Variants in GGACT observed in about 807,000 individuals in gnomAD.
The protein encoded by GGACT is gamma-glutamylamine cyclotransferase, also known as gamma-glutamylaminecyclotransferase.
For synonymous variants in GGACT, 118 were observed against 115.3 expected (o/e 1.02, Z -0.15); for missense variants, 241 against 233.2 (o/e 1.03, Z -0.22).
At chr13:100,587,514 A>T (rs1875615623) in intron 1 of GGACT, among the ~76,000 whole-genome samples, 1 of 152,232 alleles carries the variant, frequency 6.6e-6, no homozygotes, top group East Asian at 1.9e-4. Flanking sequence ...TAGTTTCAGG[A>T]AAACAAGGCA....
At chr13:100,565,628 G>A (rs1353393080) in intron 2 of GGACT, among the ~76,000 whole-genome samples, 5 of 152,016 alleles carry the variant, frequency 3.3e-5, no homozygotes, top group Non-Finnish European at 2.9e-5. Flanking sequence ...TGATGATGAC[G>A]CCCATTTCTT....
rs143569771 is a variant in GGACT, at chr13:100,581,261, G to A, written c.-11+2564C>T. Among the ~76,000 whole-genome samples, 537 of 152,300 alleles carry A rather than the reference G, an allele frequency of 3.5e-3. 3 individuals carry two copies. Among genetic ancestry groups the A allele is most frequent in the African/African-American group, 0.012 (498 of 41,558 alleles). ...GTTTCTAACACCATCTCCAACAGAGGGGACCAGGGTTCCCCAGAGAAACGG... is the reference window on the plus strand; with the variant it reads ...GTTTCTAACACCATCTCCAACAGAGAGGACCAGGGTTCCCCAGAGAAACGG... On this transcript the variant is annotated intron_variant, in intron 2 of 2. Coordinates refer to ENST00000683975, the MANE Select transcript of GGACT (RefSeq NM_001195087.2).
chr13:100,550,417 TAC>T (rs61669253), intron 2 of GGACT, among the ~76,000 whole-genome samples: 16,505 of 72,336 alleles, frequency 0.23, 3,017 homozygotes, highest in Middle Eastern at 0.33. Context: ...GATTATACTC[TAC>T]ACACACACAC....
At position 100,530,468 on chromosome 13, in the gene GGACT, T is replaced by C. The variant is rs563089923; in HGVS notation, c.*1662A>G. The stretch of plus-strand genomic sequence containing the variant: ...TTGCCCTTTCTTTGAATGAAGACAA[T>C]GTACACATAGGCGACAGGCTCTGCC... On this transcript the variant is annotated 3_prime_UTR_variant, in exon 3 of 3. Transcript: ENST00000683975. 2 of 488,596 alleles carry C rather than the reference T, an allele frequency of 4.1e-6. No individual in the cohort carries two copies. Among genetic ancestry groups the C allele is most frequent in the Non-Finnish European group, 3.7e-6 (1 of 267,636 alleles). 30.3% of individuals were successfully genotyped at this position (488,596 alleles called of 1,614,324 possible). A position where few individuals can be genotyped will look rare whatever the true frequency, so the allele number is the denominator to read the frequency against.
At chr13:100,548,621 C>G (rs1411088874) in intron 2 of GGACT, among the ~76,000 whole-genome samples, 1 of 152,192 alleles carries the variant, frequency 6.6e-6, no homozygotes, top group Non-Finnish European at 1.5e-5. Flanking sequence ...AGGATCAAGT[C>G]CCCTGGAGAG....
chr13:100,568,928 C>T (rs539228636), intron 2 of GGACT, among the ~76,000 whole-genome samples: 15 of 152,368 alleles, frequency 9.8e-5, no homozygotes, highest in African/African-American at 3.4e-4. Context: ...ATAGGGCAAT[C>T]ATTAAATCTT....
In GGACT at chr13:100,545,114, C is replaced by A. The variant is rs112892840; in HGVS notation, c.-10-12513G>T. On this transcript the variant is annotated intron_variant, in intron 2 of 2. Coordinates refer to ENST00000683975, the MANE Select transcript of GGACT (RefSeq NM_001195087.2). This position sits in a 1 kb window ranked among gnomAD's most constrained non-coding sequence, Gnocchi z 4.4. The stretch of plus-strand genomic sequence containing the variant: ...ATGCCGTCAACCTCGTCACACAGGG[C>A]CAACCTGCAGGCACGGCCTCAGGAA... Among the ~76,000 whole-genome samples, 2 of 152,260 alleles carry A rather than the reference C, an allele frequency of 1.3e-5. No homozygotes were observed. The highest frequency in any genetic ancestry group is 4.8e-5 in the African/African-American group (2 of 41,482).
Position 100,532,289 on chromosome 13 carries a change from C to A in GGACT, c.303G>T (p.Arg101=). The A allele has an allele frequency of 6.5e-7, 1 of 1,540,064 alleles. No individual in the cohort carries two copies. Among genetic ancestry groups the A allele is most frequent in the South Asian group, 1.2e-5 (1 of 83,718 alleles). ...CTGGCGGCTCCTCTGCGCCCGGGGCCCGGTCCTCCAGCAGCTGTACCCGCA... is the reference window on the plus strand; with the variant it reads ...CTGGCGGCTCCTCTGCGCCCGGGGCACGGTCCTCCAGCAGCTGTACCCGCA... ...TVLRVQLLED[R]APGAEEPPAP... is the part of the protein sequence containing the mutation. The change falls in exon 3 of 3, where the codon CGG becomes CGT. Residue 101 remains arginine (R), a synonymous_variant. Transcript: ENST00000683975.
At chr13:100,566,254 G>C (rs887200715) in intron 2 of GGACT, among the ~76,000 whole-genome samples, 17 of 152,198 alleles carry the variant, frequency 1.1e-4, no homozygotes, top group African/African-American at 3.9e-4. Context: ...TAATTTTGGG[G>C]GTGATTTGTT....
rs376367148 is a variant in GGACT, at chr13:100,563,298, TG to T, written c.-11+20526del. Among the ~76,000 whole-genome samples the T allele has an allele frequency of 3.2e-3, 489 of 152,054 alleles. 1 individual carries two copies. The highest frequency in any genetic ancestry group is 0.011 in the African/African-American group (458 of 41,472). On this transcript the variant is annotated intron_variant, in intron 2 of 2. Coordinates refer to ENST00000683975, the MANE Select transcript of GGACT (RefSeq NM_001195087.2). ...AAAGCCACAGTGACAGGTAGGGGGA[TG>T]GGGGCTGCCAGGGGCTCGGGATGGA... is the stretch of plus-strand genomic sequence containing the variant.
At chr13:100,557,711 A>G (rs1257825350) in intron 2 of GGACT, among the ~76,000 whole-genome samples, 1 of 152,230 alleles carries the variant, frequency 6.6e-6, no homozygotes, top group African/African-American at 2.4e-5. Context: ...GAAAACATGA[A>G]TAAGTTTTGA....
chr13:100,583,687 A>T (rs926022845), intron 2 of GGACT, 138 bp downstream of exon 2: 1 of 152,116 alleles, frequency 6.6e-6, no homozygotes, highest in Non-Finnish European at 1.5e-5. Context: ...AAGCCACCGT[A>T]CCTGGCTCCC....
At chr13:100,570,440 T>C (rs189093102) in intron 2 of GGACT, among the ~76,000 whole-genome samples, 66 of 152,084 alleles carry the variant, frequency 4.3e-4, no homozygotes, top group African/African-American at 1.6e-3. Flanking sequence ...TATAAAACCA[T>C]CAGATCTCAT....
intron 2 of GGACT, among the ~76,000 whole-genome samples, chr13:100,560,655 G>A (rs749860743): frequency 3.9e-5 from 6 of 152,230 alleles, no homozygotes; most frequent in Non-Finnish European, 5.9e-5. Context: ...GGCTGAGGAG[G>A]GTTGCAGCTT....
intron 2 of GGACT, among the ~76,000 whole-genome samples, chr13:100,574,641 T>C (rs1347627895): frequency 6.6e-6 from 1 of 152,008 alleles, no homozygotes; most frequent in Non-Finnish European, 1.5e-5. Flanking sequence ...TGAGCACACA[T>C]GGACATAAAC....
chr13:100,549,927 T>A (rs1040548419), intron 2 of GGACT, among the ~76,000 whole-genome samples: 3 of 152,224 alleles, frequency 2.0e-5, no homozygotes, highest in African/African-American at 7.2e-5. Context: ...TAAGCCTGAT[T>A]AAGTTTTTTT....
chr13:100,542,594 A>T (rs2088565128), intron 2 of GGACT, among the ~76,000 whole-genome samples: 1 of 152,168 alleles, frequency 6.6e-6, no homozygotes. Flanking sequence ...TCGTTCCCTG[A>T]TGCTGATGTG....
At chr13:100,579,434 T>C (rs1205373094) in intron 2 of GGACT, among the ~76,000 whole-genome samples, 2 of 152,030 alleles carry the variant, frequency 1.3e-5, no homozygotes, top group East Asian at 1.9e-4. Flanking sequence ...AGAACTTCTC[T>C]TCCCCAGTGC....
rs563952579 is a variant in GGACT, at chr13:100,545,075, G to A, written c.-10-12474C>T. On this transcript the variant is annotated intron_variant, in intron 2 of 2. Coordinates refer to ENST00000683975, the MANE Select transcript of GGACT (RefSeq NM_001195087.2). The surrounding 1 kb of genome is among the most constrained non-coding windows in gnomAD (Gnocchi z 4.4). ...ACACATGCTGGGCAGGCGGCCAGCG[G>A]CCCAACACTGGAGATGCCGTCAACC... Among the ~76,000 whole-genome samples, 1 of 152,336 alleles carries A rather than the reference G, an allele frequency of 6.6e-6. No homozygotes were observed. The highest frequency in any genetic ancestry group is 2.4e-5 in the African/African-American group (1 of 41,580).
Sources: gnomAD v4.1 joint callset for allele counts (sites outside exome capture counted in the v4.1 genomes callset) on GRCh38, gnomAD v4.1.1 for gene constraint, Gnocchi (gnomAD v3.1) non-coding constraint, MANE v1.5 for transcripts, NCBI Gene and HGNC (gene_info 2026-07-23, HGNC 2026-07-21) for gene names.